The following ATP10B variants were observed in gnomAD, a reference collection of about 807,000 sequenced individuals.
ATP10B encodes ATPase phospholipid transporting 10B (putative), also known as phospholipid-transporting ATPase VB.
ATP10B carries 122 observed loss-of-function variants against 141.2 expected under a neutral mutation model. The observed-to-expected ratio is 0.86, with a 90% confidence interval of 0.75 to 1.00. The LOEUF is 1.00. Among genes scored for constraint, ATP10B ranks in the 50% least tolerant of loss-of-function variants. The probability of loss-of-function intolerance (pLI) is 0.00; values close to 1 mark genes in which losing one functional copy is unlikely to be tolerated. For synonymous variants in ATP10B, 685 were observed against 692.0 expected, an observed-to-expected ratio of 0.99 and a Z score of 0.16; for missense variants, 1,876 against 1,825.3, an observed-to-expected ratio of 1.03 and a Z score of -0.51.
In ATP10B at chr5:160,620,344, C is replaced by T. The variant is rs746395645; in HGVS notation, c.2416+3G>A. ...CCTGGAACCCTGGTAAGGCAGGACT[C>T]ACCGCAGGCTGGGTCTTCCAGCAGG... On this transcript the variant is annotated splice_donor_region_variant and intron_variant, in intron 15 of 25. Coordinates refer to ENST00000327245, the MANE Select transcript of ATP10B (RefSeq NM_025153.3). The T allele has an allele frequency of 6.1e-5, 98 of 1,603,150 alleles. No individual in the cohort carries two copies. Among genetic ancestry groups the T allele is most frequent in the Non-Finnish European group, 8.1e-5 (95 of 1,174,080 alleles).
intron 2 of ATP10B, among the ~76,000 whole-genome samples, chr5:160,717,923 C>T (rs578198121): frequency 6.6e-6 from 1 of 152,012 alleles, no homozygotes; most frequent in African/African-American, 2.4e-5. Context: ...AGGGATAAGG[C>T]GGGGTGCTGA....
the ATP10B span, among the ~76,000 whole-genome samples, chr5:160,923,257 T>A: frequency 1.3e-5 from 2 of 152,192 alleles, no homozygotes; most frequent in Non-Finnish European, 2.9e-5. Flanking sequence ...CATGATCTTG[T>A]GGTGGAAGAG....
intron 10 of ATP10B, among the ~76,000 whole-genome samples, chr5:160,639,367 G>A (rs980412010): frequency 6.6e-6 from 1 of 152,230 alleles, no homozygotes; most frequent in Admixed American, 6.5e-5. Context: ...GGGCTTTGCA[G>A]ATAGGATTAG....
intron 2 of ATP10B, among the ~76,000 whole-genome samples, chr5:160,720,118 A>C (rs1765906052): frequency 1.3e-5 from 2 of 152,202 alleles, no homozygotes; most frequent in Non-Finnish European, 2.9e-5. Flanking sequence ...TGCTAACCTA[A>C]TTGTTTTCTG....
chr5:160,917,928 G>T, the ATP10B span, among the ~76,000 whole-genome samples: 1 of 152,220 alleles, frequency 6.6e-6, no homozygotes, highest in Non-Finnish European at 1.5e-5. Context: ...GTGGAGCAGG[G>T]TGAGGACCAG....
At chr5:160,586,163 G>A (rs1425813581) in intron 24 of ATP10B, among the ~76,000 whole-genome samples, 1 of 152,032 alleles carries the variant, frequency 6.6e-6, no homozygotes, top group Non-Finnish European at 1.5e-5. Context: ...AGTGTGTGTT[G>A]TTCCCCTCCC....
Position 160,687,877 on chromosome 5 carries a change from G to A in ATP10B, c.198C>T (p.Tyr66=), listed in dbSNP as rs200602793. 120 of 1,614,020 alleles carry A rather than the reference G, an allele frequency of 7.4e-5. 1 individual carries two copies. The Middle Eastern group carries it at 1.6e-3, about 22-fold the overall frequency. ...TGGTTGTGCAGGTTCTGTTGCCAGG[G>A]TATCTCCTGGAGACCTCTTCCCAAT... is the stretch of plus-strand genomic sequence containing the variant. ...HQDWEEVSRR[Y]PGNRTCTTKY... The change falls in exon 5 of 26, where the codon TAC becomes TAT. Residue 66 remains tyrosine, a synonymous_variant. Coordinates refer to ENST00000327245, the MANE Select transcript of ATP10B (RefSeq NM_025153.3).
chr5:160,715,348 G>A (rs7712102), intron 3 of ATP10B, among the ~76,000 whole-genome samples: 105,861 of 131,004 alleles, frequency 0.81, 43,111 homozygotes, highest in East Asian at 0.9. Context: ...TCTGAAAAGC[G>A]CAATATTCGG....
intron 2 of ATP10B, among the ~76,000 whole-genome samples, chr5:160,740,495 T>A (rs913283008): frequency 3.3e-5 from 5 of 152,208 alleles, no homozygotes; most frequent in African/African-American, 1.2e-4. Flanking sequence ...TTATCGGCCC[T>A]GGCTCTCCAC....
intron 6 of ATP10B, chr5:160,685,249 C>A: frequency 1.8e-6 from 1 of 563,126 alleles, no homozygotes; most frequent in South Asian, 2.3e-5. Flanking sequence ...TTTTAATTCT[C>A]ATAATTTAAT....
intron 24 of ATP10B, among the ~76,000 whole-genome samples, chr5:160,589,076 A>T (rs1444550925): frequency 6.6e-6 from 1 of 152,100 alleles, no homozygotes; most frequent in Non-Finnish European, 1.5e-5. Context: ...TGGTGGCATG[A>T]TCTTGGCTCA....
chr5:160,802,670 C>T (rs941151246), intron 1 of ATP10B, among the ~76,000 whole-genome samples: 1 of 152,204 alleles, frequency 6.6e-6, no homozygotes, highest in Non-Finnish European at 1.5e-5. Flanking sequence ...GCTTAAGGCA[C>T]TTGAGTTCTT....
rs143322552 is a variant in ATP10B, at chr5:160,619,097, C to T, written c.2417-1124G>A. ...GCCTTAAGCATAGTCTTCATTTGTG[C>T]ATCGCCTGATTCGGCACTATTTACA... On this transcript the variant is annotated intron_variant, in intron 15 of 25. Coordinates refer to ENST00000327245, the MANE Select transcript of ATP10B (RefSeq NM_025153.3). 9.9e-5 allele frequency among the ~76,000 whole-genome samples: 15 copies of T among 152,264 alleles called. No individual in the cohort carries two copies. In the East Asian group the frequency reaches 2.9e-3, roughly 29 times the overall value.
At position 160,589,574 on chromosome 5, in the gene ATP10B, G is replaced by A. The variant is rs751029165; in HGVS notation, c.3750+18C>T. 5 of 1,594,898 alleles carry A rather than the reference G, an allele frequency of 3.1e-6. No individual in the cohort carries two copies. ...CAGGAGCACAGTTTTGAAGCCAAAG[G>A]GGCTCTGGGACACTTACCCATGTCT... On this transcript the variant is annotated intron_variant, in intron 24 of 25. Transcript: ENST00000327245.
At chr5:160,815,769 A>T (rs6895162) in intron 1 of ATP10B, among the ~76,000 whole-genome samples, 17,012 of 152,186 alleles carry the variant, frequency 0.11, 1,134 homozygotes, top group East Asian at 0.17. Context: ...GAAGTAAAGC[A>T]ATCCTCAGCA....
At chr5:160,610,172 G>A (rs1303268094) in intron 18 of ATP10B, among the ~76,000 whole-genome samples, 1 of 152,004 alleles carries the variant, frequency 6.6e-6, no homozygotes, top group African/African-American at 2.4e-5. Flanking sequence ...AAAAAATGAT[G>A]GGATGTCACC....
At chr5:160,874,467 C>G in the ATP10B span, among the ~76,000 whole-genome samples, 111 of 152,198 alleles carry the variant, frequency 7.3e-4, no homozygotes, top group South Asian at 0.018. Flanking sequence ...AACTCTAAAA[C>G]GCAGAGTGCC....
chr5:160,607,034 C>T lies in ATP10B; in HGVS notation c.2891G>A (p.Arg964His), dbSNP rs201819244. 2.4e-5 allele frequency: 39 copies of T among 1,614,078 alleles called. No homozygotes were observed. Among genetic ancestry groups the T allele is most frequent in the African/African-American group, 2.1e-4 (16 of 75,016 alleles). The change falls in exon 19 of 26, where the codon CGT becomes CAT. Residue 964 changes from arginine (R) to histidine (H), a missense_variant. Physicochemically the swap from Arg to His is conservative, Grantham distance 29 (BLOSUM62 0). Coordinates refer to ENST00000327245, the MANE Select transcript of ATP10B (RefSeq NM_025153.3). ...CTTGCGGTCTGGCTTCTGTAGTTCA[C>T]GAAATTGCTTTAGCTCTTCCAATGC... Reference protein sequence around the residue: ...NCALEELKQFRELQKPDRKLF... With the variant: ...NCALEELKQFHELQKPDRKLF...
intron 22 of ATP10B, among the ~76,000 whole-genome samples, chr5:160,593,099 G>A (rs1032320948): frequency 6.6e-6 from 1 of 152,234 alleles, no homozygotes; most frequent in African/African-American, 2.4e-5. Flanking sequence ...TCTGAGAATG[G>A]GCAGACTGCC....
Sources: allele counts gnomAD v4.1 joint callset (sites outside exome capture counted in the v4.1 genomes callset), GRCh38; gene constraint gnomAD v4.1.1; transcripts MANE v1.5; gene names NCBI Gene and HGNC (gene_info 2026-07-23, HGNC 2026-07-21).